The following CTNNA3 variants were observed in gnomAD, a reference collection of about 807,000 sequenced individuals.
CTNNA3 encodes the protein catenin alpha-3.
In CTNNA3, 76 loss-of-function variants were observed where a neutral mutation model predicts 95.7. The ratio of observed to expected loss-of-function variants is 0.79; its 90% CI spans 0.66 to 0.96. The LOEUF is 0.96. Ranked by LOEUF, CTNNA3 falls within the 40% of genes least tolerant of loss-of-function variation. The probability of loss-of-function intolerance (pLI) is 0.00; values close to 1 mark genes in which losing one functional copy is unlikely to be tolerated. For synonymous variants in CTNNA3, 431 were observed against 374.4 expected (o/e 1.15, Z -1.74); for missense variants, 1,191 against 1,089.8 (o/e 1.09, Z -1.31).
intron 5 of CTNNA3, among the ~76,000 whole-genome samples, chr10:67,371,385 C>A (rs540534851): frequency 1.8e-4 from 26 of 144,938 alleles, no homozygotes; most frequent in Non-Finnish European, 2.6e-4. Context: ...CCCCCTCCCC[C>A]CATCCCACAA....
chr10:66,081,000 T>C (rs1011249449), intron 14 of CTNNA3, among the ~76,000 whole-genome samples: 4 of 152,124 alleles, frequency 2.6e-5, no homozygotes, highest in African/African-American at 9.7e-5. Flanking sequence ...AGAAAGAATT[T>C]ACAATGGGAA....
intron 7 of CTNNA3, among the ~76,000 whole-genome samples, chr10:66,826,331 C>T (rs1842514395): frequency 6.6e-6 from 1 of 152,078 alleles, no homozygotes; most frequent in South Asian, 2.1e-4. Flanking sequence ...GGCTAGAGTG[C>T]AGTGGTAGGA....
At chr10:67,467,429 C>T (rs1362620675) in intron 5 of CTNNA3, among the ~76,000 whole-genome samples, 2 of 151,868 alleles carry the variant, frequency 1.3e-5, no homozygotes, top group East Asian at 3.9e-4. Flanking sequence ...TTTTAGACTT[C>T]GTTCTCTAAT....
At chr10:66,651,867 G>A (rs1278991090) in intron 9 of CTNNA3, among the ~76,000 whole-genome samples, 4 of 150,232 alleles carry the variant, frequency 2.7e-5, no homozygotes, top group East Asian at 2.0e-4. Context: ...CTCCTGCCTC[G>A]GCCAGCCCAG....
At chr10:66,998,636 A>G (rs551874253) in intron 7 of CTNNA3, among the ~76,000 whole-genome samples, 1 of 152,326 alleles carries the variant, frequency 6.6e-6, no homozygotes, top group African/African-American at 2.4e-5. Context: ...CTATGGAACA[A>G]TAAAGAAGGA....
intron 13 of CTNNA3, among the ~76,000 whole-genome samples, chr10:66,237,228 T>C (rs10996995): frequency 0.33 from 49,944 of 152,100 alleles, 8,990 homozygotes; most frequent in East Asian, 0.43. Context: ...AATATGTATA[T>C]GGAAGGCAGG....
intron 13 of CTNNA3, among the ~76,000 whole-genome samples, chr10:66,266,854 A>G (rs2091171618): frequency 6.6e-6 from 1 of 152,070 alleles, no homozygotes; most frequent in Non-Finnish European, 1.5e-5. Context: ...ACTTTTAAAG[A>G]GATTCCATAT....
At chr10:67,479,244 G>T (rs1050756502) in intron 5 of CTNNA3, among the ~76,000 whole-genome samples, 2 of 152,078 alleles carry the variant, frequency 1.3e-5, no homozygotes, top group African/African-American at 4.8e-5. Flanking sequence ...TGACCAATTG[G>T]ATTTAATATA....
chr10:66,859,603 T>A (rs1843824077), intron 7 of CTNNA3, among the ~76,000 whole-genome samples: 1 of 149,962 alleles, frequency 6.7e-6, no homozygotes, highest in Non-Finnish European at 1.5e-5. Flanking sequence ...TGGAAGTCAG[T>A]GTGGAGATTC....
intron 9 of CTNNA3, among the ~76,000 whole-genome samples, chr10:66,746,859 CAG>C (rs1491266081): frequency 2.1e-5 from 2 of 93,074 alleles, no homozygotes; most frequent in African/African-American, 9.2e-5. Context: ...AAAATGGATG[CAG>C]TGTGTGTGTG....
chr10:66,619,159 C>T (rs1357753878), intron 10 of CTNNA3, among the ~76,000 whole-genome samples: 2 of 151,484 alleles, frequency 1.3e-5, no homozygotes, highest in African/African-American at 4.8e-5. Context: ...GTGGTGATTC[C>T]TCAGGGATCT....
chr10:67,498,725 G>A (rs1839123966), intron 5 of CTNNA3, among the ~76,000 whole-genome samples: 1 of 151,890 alleles, frequency 6.6e-6, no homozygotes, highest in South Asian at 2.1e-4. Context: ...TCATGATTTG[G>A]GTCTCTGTTT....
intron 5 of CTNNA3, among the ~76,000 whole-genome samples, chr10:67,285,746 T>C (rs1332140041): frequency 6.6e-6 from 1 of 152,208 alleles, no homozygotes; most frequent in Non-Finnish European, 1.5e-5. Flanking sequence ...AATATGTTTT[T>C]ATATAATTAA....
chr10:67,466,037 T>C lies in CTNNA3; in HGVS notation c.579+55805A>G, dbSNP rs543309345. On this transcript the variant is annotated intron_variant, in intron 5 of 17. Transcript: ENST00000433211. The stretch of plus-strand genomic sequence containing the variant: ...CCATTTTAGTTTGTATCTAAAATTC[T>C]ATATATGCTTCCAAAGAAGAATCAA... 2.4e-4 allele frequency among the ~76,000 whole-genome samples: 37 copies of C among 152,362 alleles called. No homozygotes were observed. The South Asian group carries it at 6.0e-3, about 25-fold the overall frequency.
At chr10:66,074,773 TATC>T (rs980016151) in intron 14 of CTNNA3, among the ~76,000 whole-genome samples, 9 of 151,950 alleles carry the variant, frequency 5.9e-5, no homozygotes, top group Admixed American at 4.6e-4. Context: ...TTGAAAACAA[TATC>T]ATCTTTCAGA....
chr10:67,097,872 G>A, intron 7 of CTNNA3: 1 of 1,323,226 alleles, frequency 7.6e-7, no homozygotes. Flanking sequence ...TGTGTTCATT[G>A]TGGACTCTAA....
intron 13 of CTNNA3, among the ~76,000 whole-genome samples, chr10:66,238,452 T>C (rs1188103589): frequency 6.6e-6 from 1 of 152,052 alleles, no homozygotes; most frequent in African/African-American, 2.4e-5. Flanking sequence ...AAAAAAATTA[T>C]TGTAAACTCA....
intron 10 of CTNNA3, among the ~76,000 whole-genome samples, chr10:66,532,003 T>A (rs1479797113): frequency 6.6e-6 from 1 of 152,196 alleles, no homozygotes; most frequent in Non-Finnish European, 1.5e-5. Context: ...ATGAATTTAA[T>A]ATTTTTGCCA....
At chr10:65,927,848 T>C (rs1396913018) in intron 17 of CTNNA3, among the ~76,000 whole-genome samples, 1 of 152,190 alleles carries the variant, frequency 6.6e-6, no homozygotes, top group African/African-American at 2.4e-5. Context: ...TAAGTATGTT[T>C]CTAACTTCAT....
Sources: gnomAD v4.1 joint callset for allele counts (sites outside exome capture counted in the v4.1 genomes callset) on GRCh38, gnomAD v4.1.1 for gene constraint, MANE v1.5 for transcripts, NCBI Gene and HGNC (gene_info 2026-07-23, HGNC 2026-07-21) for gene names.